Variants in CNNM1 observed in about 807,000 individuals in gnomAD.
The protein encoded by CNNM1 is metal transporter CNNM1.
Under a neutral mutation model 78.8 loss-of-function variants are expected in CNNM1, and 44 were observed. The observed-to-expected ratio is 0.56, with a 90% CI of 0.44 to 0.72. The LOEUF (loss-of-function observed/expected upper bound fraction) is 0.72, where lower values mean the gene tolerates loss of function less well. Among genes scored for constraint, CNNM1 ranks in the 30% least tolerant of loss-of-function variants. The pLI is 0.00. For missense variants in CNNM1, 1,101 were observed against 1,292.2 expected, an observed-to-expected ratio of 0.85 and a Z score of 2.27; for synonymous variants, 584 against 581.5, an observed-to-expected ratio of 1.00 and a Z score of -0.06.
intron 7 of CNNM1, among the ~76,000 whole-genome samples, chr10:99,382,660 G>C (rs1392801589): frequency 6.6e-6 from 1 of 152,164 alleles, no homozygotes; most frequent in Non-Finnish European, 1.5e-5. Context: ...CCAGCTACTT[G>C]GGAGGCTGAG....
chr10:99,378,471 G>A (rs560235351), intron 7 of CNNM1, among the ~76,000 whole-genome samples: 1 of 152,314 alleles, frequency 6.6e-6, no homozygotes, highest in African/African-American at 2.4e-5. Flanking sequence ...ATTTGGAGAG[G>A]GGTGTGTGCT....
chr10:99,356,076 G>A (rs2031131644), intron 1 of CNNM1, among the ~76,000 whole-genome samples: 1 of 152,172 alleles, frequency 6.6e-6, no homozygotes, highest in East Asian at 1.9e-4. Context: ...CACAGATTCT[G>A]TGAGTCAGGA....
rs1460523699 is a variant in CNNM1, at chr10:99,388,339, A to G, written c.2674+38A>G. On this transcript the variant is annotated intron_variant, in intron 9 of 10. Coordinates refer to ENST00000356713, the MANE Select transcript of CNNM1 (RefSeq NM_020348.3). The stretch of plus-strand genomic sequence containing the variant: ...AGCTGGGCCCAGTGCAGCAAGGGAG[A>G]TCATTGCCTTTGGGCACTGGGATGG... 4.4e-6 allele frequency: 7 copies of G among 1,600,462 alleles called. No individual in the cohort carries two copies. The Admixed American group carries it at 5.1e-5, about 12-fold the overall frequency.
intron 1 of CNNM1, 93 bp from the exon 2 acceptor site, chr10:99,357,419 T>C (rs1195214633): frequency 7.6e-7 from 1 of 1,313,118 alleles, no homozygotes; most frequent in Non-Finnish European, 1.0e-6. Context: ...AATCCTGAGA[T>C]TGGTCAGACA....
At chr10:99,360,813 T>A in intron 2 of CNNM1, 22 bp from the exon 3 acceptor site, 1 of 1,582,318 alleles carries the variant, frequency 6.3e-7, no homozygotes, top group Non-Finnish European at 8.6e-7. Context: ...ATAGCTGTAA[T>A]CTGTCCTCTG....
Position 99,359,582 on chromosome 10 carries a change from C to T in CNNM1, c.1718-1253C>T, listed in dbSNP as rs117992352. 2.0e-3 allele frequency among the ~76,000 whole-genome samples: 312 copies of T among 152,214 alleles called. 1 individual carries two copies. Among genetic ancestry groups the T allele is most frequent in the African/African-American group, 6.9e-3 (286 of 41,522 alleles). On this transcript the variant is annotated intron_variant, in intron 2 of 10. Coordinates refer to ENST00000356713, the MANE Select transcript of CNNM1 (RefSeq NM_020348.3). ...TGACTGTGAAGGCCCAGAGTCAGAG[C>T]GGGCCATGGAAGAGCTGCACCGGCA...
chr10:99,382,892 G>A (rs78107293), intron 7 of CNNM1, among the ~76,000 whole-genome samples: 1 of 152,166 alleles, frequency 6.6e-6, no homozygotes, highest in Non-Finnish European at 1.5e-5. Context: ...ACAGACCTCC[G>A]CTTCCTTTGT....
At chr10:99,390,493 G>A (rs962165254) in intron 10 of CNNM1, 86 bp downstream of exon 10, 8 of 992,346 alleles carry the variant, frequency 8.1e-6, no homozygotes, top group African/African-American at 8.0e-5. Context: ...TCTTGGGGGA[G>A]GAGCCATGGA....
At chr10:99,336,733 G>A (rs1198797634) in intron 1 of CNNM1, among the ~76,000 whole-genome samples, 3 of 152,140 alleles carry the variant, frequency 2.0e-5, no homozygotes, top group African/African-American at 7.2e-5. Context: ...TTGGGAGGCC[G>A]AGACAGGTGG....
chr10:99,336,051 G>A (rs1195745134), intron 1 of CNNM1, among the ~76,000 whole-genome samples: 1 of 152,208 alleles, frequency 6.6e-6, no homozygotes, highest in African/African-American at 2.4e-5. Context: ...CAAACATTCA[G>A]TCCATAACAA....
intron 1 of CNNM1, among the ~76,000 whole-genome samples, chr10:99,340,799 ACTTTCT>A (rs2030413923): frequency 1.2e-5 from 1 of 82,086 alleles, no homozygotes; most frequent in African/African-American, 4.8e-5. Flanking sequence ...TTTCTTTCTT[ACTTTCT>A]CTTTCTTTCT....
chr10:99,371,531 T>C (rs2031802661), intron 6 of CNNM1, among the ~76,000 whole-genome samples: 1 of 152,218 alleles, frequency 6.6e-6, no homozygotes, highest in African/African-American at 2.4e-5. Context: ...GGTTATCTAT[T>C]CATAATGTGC....
At chr10:99,370,829 A>C (rs762960491) in intron 6 of CNNM1, among the ~76,000 whole-genome samples, 1 of 152,230 alleles carries the variant, frequency 6.6e-6, no homozygotes, top group Non-Finnish European at 1.5e-5. Flanking sequence ...CGTATCTTAT[A>C]TGGGAGGAAA....
chr10:99,370,145 T>G (rs1163190748), intron 6 of CNNM1, among the ~76,000 whole-genome samples: 1 of 152,182 alleles, frequency 6.6e-6, no homozygotes, highest in African/African-American at 2.4e-5. Flanking sequence ...GAGATGAAAG[T>G]GATTCCCTCC....
Position 99,364,489 on chromosome 10 carries a change from C to G in CNNM1, c.2101C>G (p.Pro701Ala). ...TGGAGCCTTTACTTACTATGGCGTC[C>G]CAGCCATCATGACCACTGCTTGCTC... Reference protein sequence around the residue: ...ENGAFTYYGVPAIMTTACSDN... With the variant: ...ENGAFTYYGVAAIMTTACSDN... Residue 701 changes from proline (P) to alanine (A), a missense_variant, in exon 5 of 11, where the codon CCA becomes GCA. This residue lies in a region of CNNM1 where 348 missense variants were observed against 384.5 expected (regional missense o/e 0.90). Transcript: ENST00000356713. 3 of 1,611,986 alleles carry G rather than the reference C, an allele frequency of 1.9e-6. No individual in the cohort carries two copies. Among genetic ancestry groups the G allele is most frequent in the Non-Finnish European group, 2.5e-6 (3 of 1,179,084 alleles).
chr10:99,388,413 T>TA, intron 9 of CNNM1, 112 bp downstream of exon 9: 2 of 1,254,386 alleles, frequency 1.6e-6, no homozygotes, highest in Non-Finnish European at 2.2e-6. Context: ...GCCCGTGCGT[T>TA]AAACCTCCGA....
chr10:99,331,127 G>T (rs188741215), intron 1 of CNNM1, among the ~76,000 whole-genome samples, 167 bp downstream of exon 1: 1 of 152,200 alleles, frequency 6.6e-6, no homozygotes, highest in African/African-American at 2.4e-5. Flanking sequence ...TCTCACTTCT[G>T]CCTCACTTCT....
intron 1 of CNNM1, among the ~76,000 whole-genome samples, chr10:99,347,411 C>T (rs1191670096): frequency 6.6e-6 from 1 of 151,880 alleles, no homozygotes; most frequent in East Asian, 1.9e-4. Context: ...ATCTTAGCTA[C>T]TTGGGAGGCT....
chr10:99,390,143 C>T (rs554290737), intron 9 of CNNM1, among the ~76,000 whole-genome samples, 163 bp from the exon 10 acceptor site: 1 of 152,276 alleles, frequency 6.6e-6, no homozygotes, highest in East Asian at 1.9e-4. Flanking sequence ...TAACTAATGA[C>T]ACCCTGTACT....
Sources: gnomAD v4.1 joint callset for allele counts (sites outside exome capture counted in the v4.1 genomes callset) on GRCh38, gnomAD v4.1.1 for gene constraint, gnomAD v4.1.1 regional missense constraint, MANE v1.5 for transcripts, NCBI Gene and HGNC (gene_info 2026-07-23, HGNC 2026-07-21) for gene names.